The following CAST variants were observed in gnomAD, a reference collection of about 807,000 sequenced individuals.
CAST encodes the protein calpastatin, also known as MIR583 host.
In CAST, 76 loss-of-function variants were observed where a neutral mutation model predicts 119.6. The ratio of observed to expected loss-of-function variants is 0.64; its 90% CI spans 0.53 to 0.77. CAST has a LOEUF of 0.77. Ranked by LOEUF, CAST falls within the 30% of genes least tolerant of loss-of-function variation. CAST has a pLI of 0.00. For missense variants in CAST, 953 were observed against 946.5 expected (o/e 1.01, Z -0.09); for synonymous variants, 319 against 331.6 (o/e 0.96, Z 0.41).
At position 96,566,912 on chromosome 5, in the gene CAST, C is replaced by T. The variant is rs78404961; in HGVS notation, c.60+37032C>T. ...GAGTGCTTTACTTATGTTTTAGTTT[C>T]GTTTTGCTTTGTTTTGTTTCAAATG... On this transcript the variant is annotated intron_variant, in intron 1 of 11. Coordinates refer to the CAST transcript ENST00000505143. Among the ~76,000 whole-genome samples, 1,255 of 152,182 alleles carry T rather than the reference C, an allele frequency of 8.2e-3. 10 individuals are homozygous for T. The highest frequency in any genetic ancestry group is 0.01 in the Non-Finnish European group (692 of 68,010).
the CAST span, among the ~76,000 whole-genome samples, chr5:96,309,885 G>A: frequency 6.6e-6 from 1 of 152,238 alleles, no homozygotes; most frequent in Admixed American, 6.5e-5. Context: ...ACAGACCGGA[G>A]CTGTTCCTAT....
At chr5:96,620,044 A>G (rs1184705210) in intron 1 of CAST, among the ~76,000 whole-genome samples, 1 of 152,210 alleles carries the variant, frequency 6.6e-6, no homozygotes, top group Non-Finnish European at 1.5e-5. Flanking sequence ...ATGTTAAATG[A>G]CAATGCATGT....
At chr5:96,267,945 G>A in the CAST span, among the ~76,000 whole-genome samples, 2 of 152,176 alleles carry the variant, frequency 1.3e-5, no homozygotes, top group Admixed American at 6.5e-5. Context: ...TTAAAGTATA[G>A]AGGTTTCTTC....
the CAST span, among the ~76,000 whole-genome samples, chr5:96,185,684 C>T: frequency 6.6e-6 from 1 of 152,104 alleles, no homozygotes; most frequent in Admixed American, 6.5e-5. Context: ...TTTCTGAGTT[C>T]TCTATTCTGA....
At chr5:96,269,515 T>C in the CAST span, among the ~76,000 whole-genome samples, 1 of 152,200 alleles carries the variant, frequency 6.6e-6, no homozygotes, top group Non-Finnish European at 1.5e-5. Context: ...ATACACATTC[T>C]TCTATCAGCA....
chr5:96,047,015 T>C, the CAST span, among the ~76,000 whole-genome samples: 1 of 152,140 alleles, frequency 6.6e-6, no homozygotes, highest in African/African-American at 2.4e-5. Flanking sequence ...CAAGTTGAGA[T>C]TTGGGTAGGG....
chr5:96,006,162 C>G, the CAST span, among the ~76,000 whole-genome samples: 2 of 152,010 alleles, frequency 1.3e-5, no homozygotes, highest in Non-Finnish European at 2.9e-5. Context: ...CCTTATAACC[C>G]TGTTTAAATA....
At chr5:96,503,402 T>C in the CAST span, among the ~76,000 whole-genome samples, 1 of 152,162 alleles carries the variant, frequency 6.6e-6, no homozygotes, top group African/African-American at 2.4e-5. Context: ...GCCTTAAACC[T>C]CCCTTTTTTC....
chr5:96,485,497 G>C, the CAST span, among the ~76,000 whole-genome samples: 2 of 152,098 alleles, frequency 1.3e-5, no homozygotes, highest in Non-Finnish European at 2.9e-5. Context: ...TCATAGAGCC[G>C]ATTTGGTGGT....
At chr5:96,390,794 C>T in the CAST span, 1 of 152,602 alleles carries the variant, frequency 6.6e-6, no homozygotes, top group South Asian at 2.1e-4. Flanking sequence ...CTAAGAAAGA[C>T]TGACAAAACT....
chr5:96,142,697 G>GGA, the CAST span, among the ~76,000 whole-genome samples: 1 of 152,134 alleles, frequency 6.6e-6, no homozygotes, highest in Non-Finnish European at 1.5e-5. Flanking sequence ...CATGAGAAGA[G>GGA]GTATGGTGGA....
the CAST span, among the ~76,000 whole-genome samples, chr5:96,403,989 A>G: frequency 6.6e-6 from 1 of 152,224 alleles, no homozygotes; most frequent in Admixed American, 6.5e-5. Context: ...TTCCTCACCT[A>G]TTAAAAATTA....
intron 2 of CAST, among the ~76,000 whole-genome samples, chr5:96,693,032 A>G (rs914421831): frequency 2.6e-5 from 4 of 152,250 alleles, no homozygotes; most frequent in Admixed American, 1.3e-4. Flanking sequence ...TCTGCTCTGT[A>G]TATGGGTGCA....
chr5:96,393,966 A>G, the CAST span, among the ~76,000 whole-genome samples: 1 of 152,200 alleles, frequency 6.6e-6, no homozygotes, highest in South Asian at 2.1e-4. Context: ...CAACACTGAC[A>G]AGGTTAACCT....
At chr5:96,714,687 A>G (rs143429790) in intron 3 of CAST, 1 of 152,334 alleles carries the variant, frequency 6.6e-6, no homozygotes, top group African/African-American at 2.4e-5. Context: ...GCATCAAGAG[A>G]AGCAACTGGA....
the CAST span, among the ~76,000 whole-genome samples, chr5:96,258,374 A>G: frequency 2.6e-5 from 4 of 152,172 alleles, no homozygotes; most frequent in Non-Finnish European, 5.9e-5. Flanking sequence ...TGAGGTTTCT[A>G]CCTTTTATTA....
chr5:96,652,247 T>G (rs961692143), intron 1 of CAST, among the ~76,000 whole-genome samples: 3 of 152,254 alleles, frequency 2.0e-5, no homozygotes, highest in Non-Finnish European at 4.4e-5. Context: ...CAACCTAGGT[T>G]GTAATAATTG....
chr5:96,105,785 G>A, the CAST span, among the ~76,000 whole-genome samples: 1 of 152,126 alleles, frequency 6.6e-6, no homozygotes. Flanking sequence ...TTTTTGTATT[G>A]ATTGGAATAG....
chr5:96,010,620 T>A, the CAST span, among the ~76,000 whole-genome samples: 2 of 152,182 alleles, frequency 1.3e-5, no homozygotes, highest in Non-Finnish European at 2.9e-5. Flanking sequence ...CCTAGAATAT[T>A]TTTTTCTAAT....
Sources: gnomAD v4.1 joint callset for allele counts (sites outside exome capture counted in the v4.1 genomes callset) on GRCh38, gnomAD v4.1.1 for gene constraint, MANE v1.5 for transcripts, NCBI Gene and HGNC (gene_info 2026-07-23, HGNC 2026-07-21) for gene names.